Variants in BRINP1 observed in about 807,000 individuals in gnomAD.
BRINP1 encodes the protein BMP/retinoic acid-inducible neural-specific protein 1.
BRINP1 carries 17 observed loss-of-function variants against 72.9 expected under a neutral mutation model. The observed-to-expected ratio is 0.23, with a 90% CI of 0.16 to 0.35. The LOEUF (loss-of-function observed/expected upper bound fraction) is 0.35, where lower values mean the gene tolerates loss of function less well. BRINP1 is among the 10% of genes least tolerant of loss of function. The pLI, the probability that BRINP1 is intolerant of heterozygous loss-of-function variation, is 1.00. For synonymous variants in BRINP1, 418 were observed against 378.5 expected (o/e 1.10, Z -1.21); for missense variants, 850 against 1,001.6 (o/e 0.85, Z 2.04).
At chr9:119,290,629 T>C (rs1724513344) in intron 2 of BRINP1, among the ~76,000 whole-genome samples, 1 of 151,688 alleles carries the variant, frequency 6.6e-6, no homozygotes, top group African/African-American at 2.4e-5. Flanking sequence ...TATTTGGGAG[T>C]TGTTGGAATG....
intron 2 of BRINP1, among the ~76,000 whole-genome samples, chr9:119,258,247 G>C (rs555033922): frequency 6.6e-6 from 1 of 152,160 alleles, no homozygotes; most frequent in Non-Finnish European, 1.5e-5. Flanking sequence ...GAGCACACTG[G>C]AAGGGGACTA....
intron 1 of BRINP1, among the ~76,000 whole-genome samples, chr9:119,365,952 C>T (rs932405245): frequency 6.6e-6 from 1 of 152,180 alleles, no homozygotes; most frequent in Admixed American, 6.5e-5. Flanking sequence ...TGCCTGCACC[C>T]CGAAACAGGC....
chr9:119,355,329 G>C (rs1232465089), intron 1 of BRINP1, among the ~76,000 whole-genome samples: 1 of 152,142 alleles, frequency 6.6e-6, no homozygotes, highest in Non-Finnish European at 1.5e-5. Context: ...CATTTATTGA[G>C]TACTTACTAT....
intron 7 of BRINP1, among the ~76,000 whole-genome samples, chr9:119,175,033 G>A (rs1829465062): frequency 6.7e-6 from 1 of 148,776 alleles, no homozygotes; most frequent in Admixed American, 6.7e-5. Flanking sequence ...CGAGTTAGTG[G>A]GTGCAGTGCA....
At chr9:119,311,529 A>G (rs1351131486) in intron 2 of BRINP1, among the ~76,000 whole-genome samples, 6 of 152,214 alleles carry the variant, frequency 3.9e-5, no homozygotes, top group Non-Finnish European at 8.8e-5. Flanking sequence ...AATGGTTTCT[A>G]TGGCTACTTT....
chr9:119,315,405 G>A (rs888669778), intron 1 of BRINP1, among the ~76,000 whole-genome samples: 2 of 151,732 alleles, frequency 1.3e-5, no homozygotes, highest in African/African-American at 4.8e-5. Flanking sequence ...AATTATTTGG[G>A]TGCACCATGA....
intron 1 of BRINP1, among the ~76,000 whole-genome samples, chr9:119,360,968 CT>C (rs1195673926): frequency 6.6e-6 from 1 of 152,176 alleles, no homozygotes; most frequent in Non-Finnish European, 1.5e-5. Flanking sequence ...GGAATACAGT[CT>C]CCTAGCTATC....
chr9:119,273,884 C>A (rs749024244), intron 2 of BRINP1, among the ~76,000 whole-genome samples: 1 of 152,170 alleles, frequency 6.6e-6, no homozygotes, highest in East Asian at 1.9e-4. Context: ...CTCTTTACAA[C>A]GACTTCATTC....
intron 2 of BRINP1, among the ~76,000 whole-genome samples, chr9:119,311,589 C>T (rs547475245): frequency 6.6e-6 from 1 of 152,250 alleles, no homozygotes; most frequent in African/African-American, 2.4e-5. Context: ...TGCTGATCTA[C>T]CTCAGCCCTA....
intron 2 of BRINP1, among the ~76,000 whole-genome samples, chr9:119,272,729 C>T (rs1364928618): frequency 6.6e-6 from 1 of 152,220 alleles, no homozygotes; most frequent in Non-Finnish European, 1.5e-5. Flanking sequence ...ACTCGCTTCC[C>T]TGCTGGTCAA....
At position 119,166,994 on chromosome 9, in the gene BRINP1, T is replaced by G; in HGVS notation, c.*90A>C. 2 of 1,362,146 alleles carry G rather than the reference T, an allele frequency of 1.5e-6. No homozygotes were observed. Among genetic ancestry groups the G allele is most frequent in the Non-Finnish European group, 1.0e-6 (1 of 1,000,174 alleles). The allele number at this position is 1,362,146 out of a possible 1,614,324, so 84.4% of individuals were successfully genotyped here. A position where few individuals can be genotyped will look rare whatever the true frequency, so the allele number is the denominator to read the frequency against. On this transcript the variant is annotated 3_prime_UTR_variant, in exon 8 of 8. Coordinates refer to ENST00000265922, the MANE Select transcript of BRINP1 (RefSeq NM_014618.3). Reference sequence around the variant, plus strand: ...TTGAATATTAATTACATTTTACAAATTTTTGTGGGTTTTTTTGTTTTGTTT... The same window carrying G: ...TTGAATATTAATTACATTTTACAAAGTTTTGTGGGTTTTTTTGTTTTGTTT...
intron 1 of BRINP1, among the ~76,000 whole-genome samples, chr9:119,334,742 C>T (rs1831331582): frequency 7.4e-6 from 1 of 135,754 alleles, no homozygotes; most frequent in African/African-American, 2.8e-5. Flanking sequence ...TAATTCTGTA[C>T]TGGTGAAATA....
intron 1 of BRINP1, among the ~76,000 whole-genome samples, chr9:119,346,564 G>A (rs1831454479): frequency 6.6e-6 from 1 of 152,068 alleles, no homozygotes; most frequent in South Asian, 2.1e-4. Flanking sequence ...CAGCACTTAA[G>A]AGCCATCAGC....
chr9:119,335,674 T>G (rs542304574), intron 1 of BRINP1, among the ~76,000 whole-genome samples: 43 of 152,234 alleles, frequency 2.8e-4, no homozygotes, highest in Non-Finnish European at 5.1e-4. Context: ...AGGTGCTTAA[T>G]GGACACCTAT....
chr9:119,194,657 C>A (rs372579472), intron 7 of BRINP1, among the ~76,000 whole-genome samples: 9 of 152,328 alleles, frequency 5.9e-5, no homozygotes, highest in African/African-American at 2.2e-4. Flanking sequence ...TGGAGAAGGG[C>A]CCCTAGCCAT....
chr9:119,205,551 A>G (rs1829845409), intron 7 of BRINP1, among the ~76,000 whole-genome samples: 1 of 152,190 alleles, frequency 6.6e-6, no homozygotes, highest in African/African-American at 2.4e-5. Flanking sequence ...CCAAGGACAC[A>G]CAGCTTACTA....
intron 1 of BRINP1, among the ~76,000 whole-genome samples, chr9:119,347,980 A>G (rs1469504131): frequency 6.6e-6 from 1 of 152,136 alleles, no homozygotes; most frequent in Non-Finnish European, 1.5e-5. Context: ...ATTATCACCC[A>G]AAGTCCATAG....
At chr9:119,206,701 C>A (rs1037075930) in intron 7 of BRINP1, among the ~76,000 whole-genome samples, 1 of 152,122 alleles carries the variant, frequency 6.6e-6, no homozygotes, top group Non-Finnish European at 1.5e-5. Context: ...GATAAAAGAA[C>A]CCCTCCCCAC....
chr9:119,274,463 G>T (rs916940633), intron 2 of BRINP1, among the ~76,000 whole-genome samples: 1 of 152,180 alleles, frequency 6.6e-6, no homozygotes, highest in Non-Finnish European at 1.5e-5. Flanking sequence ...ACCTTTGAAA[G>T]CCTTTATGCT....
Sources: gnomAD v4.1 joint callset for allele counts (sites outside exome capture counted in the v4.1 genomes callset) on GRCh38, gnomAD v4.1.1 for gene constraint, MANE v1.5 for transcripts, NCBI Gene and HGNC (gene_info 2026-07-23, HGNC 2026-07-21) for gene names.